The following PDE1C variants were observed in gnomAD, a reference collection of about 807,000 sequenced individuals.
PDE1C encodes dual specificity calcium/calmodulin-dependent 3',5'-cyclic nucleotide phosphodiesterase 1C.
A neutral mutation model predicts 93.1 loss-of-function variants in PDE1C; 62 were observed. The ratio of observed to expected loss-of-function variants is 0.67; its 90% CI spans 0.54 to 0.82. The LOEUF (loss-of-function observed/expected upper bound fraction) is 0.82. PDE1C is among the 40% of genes least tolerant of loss of function. The probability of loss-of-function intolerance (pLI) is 0.00; values close to 1 mark genes in which losing one functional copy is unlikely to be tolerated. For missense variants in PDE1C, 742 were observed against 884.6 expected (o/e 0.84, Z 2.04); for synonymous variants, 325 against 310.1 (o/e 1.05, Z -0.50).
At chr7:31,962,395 C>T (rs1270264305) in intron 2 of PDE1C, among the ~76,000 whole-genome samples, 4 of 152,152 alleles carry the variant, frequency 2.6e-5, no homozygotes, top group African/African-American at 9.7e-5. Flanking sequence ...TATGTCAGAC[C>T]ATCAGGACAG....
intron 2 of PDE1C, among the ~76,000 whole-genome samples, chr7:31,948,085 C>T (rs1410789647): frequency 6.6e-6 from 1 of 152,178 alleles, no homozygotes; most frequent in Non-Finnish European, 1.5e-5. Context: ...TTGTACAGCA[C>T]CTACAACACT....
intron 1 of PDE1C, among the ~76,000 whole-genome samples, chr7:32,371,422 G>C (rs1378541282): frequency 6.6e-6 from 1 of 152,118 alleles, no homozygotes; most frequent in Non-Finnish European, 1.5e-5. Context: ...TCTGCCCCTG[G>C]TTTATATATC....
intron 1 of PDE1C, among the ~76,000 whole-genome samples, chr7:32,379,415 T>C (rs1784491695): frequency 6.6e-6 from 1 of 152,178 alleles, no homozygotes; most frequent in Non-Finnish European, 1.5e-5. Context: ...TGCCTTGGGA[T>C]AAAAAAGCAA....
intron 2 of PDE1C, among the ~76,000 whole-genome samples, chr7:32,018,901 C>G (rs1584474886): frequency 6.6e-6 from 1 of 152,078 alleles, no homozygotes; most frequent in East Asian, 1.9e-4. Flanking sequence ...TAAGAATGCC[C>G]TTTGAAGAGC....
chr7:32,063,757 T>TCAAACA (rs1381074862), intron 1 of PDE1C, among the ~76,000 whole-genome samples: 1 of 152,210 alleles, frequency 6.6e-6, no homozygotes. Context: ...AAACAATCCT[T>TCAAACA]CAAACACAAA....
intron 2 of PDE1C, among the ~76,000 whole-genome samples, chr7:31,997,018 A>G (rs549386751): frequency 6.6e-6 from 1 of 152,336 alleles, no homozygotes; most frequent in African/African-American, 2.4e-5. Flanking sequence ...ACAGAAAGAT[A>G]GGTCTCTCTG....
chr7:31,786,471 T>C (rs1783952342), intron 16 of PDE1C: 1 of 152,174 alleles, frequency 6.6e-6, no homozygotes, highest in South Asian at 2.1e-4. Flanking sequence ...CCTTTAGCAG[T>C]GTGCTTGGCA....
At chr7:31,627,480 A>G in the PDE1C span, among the ~76,000 whole-genome samples, 1 of 152,212 alleles carries the variant, frequency 6.6e-6, no homozygotes, top group African/African-American at 2.4e-5. Flanking sequence ...CAACATGGCA[A>G]TACCCCATCT....
intron 3 of PDE1C, among the ~76,000 whole-genome samples, chr7:32,112,799 CATATAT>C (rs1183445666): frequency 3.3e-5 from 3 of 90,838 alleles, no homozygotes; most frequent in Non-Finnish European, 7.8e-5. Flanking sequence ...CATATATATA[CATATAT>C]GTGTGTGTGT....
chr7:32,165,610 C>G (rs147548867), intron 3 of PDE1C, among the ~76,000 whole-genome samples: 2 of 152,220 alleles, frequency 1.3e-5, no homozygotes, highest in African/African-American at 4.8e-5. Flanking sequence ...ACCATCAGAT[C>G]TTGTGAGAAC....
chr7:31,750,621 G>A (rs1182998590), downstream of PDE1C, among the ~76,000 whole-genome samples: 1 of 152,240 alleles, frequency 6.6e-6, no homozygotes, highest in African/African-American at 2.4e-5. Flanking sequence ...CTAAAGTTTA[G>A]AGATATTATG....
In PDE1C at chr7:31,792,777, C is replaced by G. The variant is rs376161076; in HGVS notation, c.1891+16254G>C. On this transcript the variant is annotated intron_variant, in intron 16 of 17. Transcript: ENST00000396191. ...ACTACAAAGTATATGAAAATGAGGA[C>G]CCTGAAGACAAAGTGTTAATAGGCC... is the stretch of plus-strand genomic sequence containing the variant. Among the ~76,000 whole-genome samples the G allele has an allele frequency of 3.3e-5, 5 of 152,124 alleles. 1 individual carries two copies. The highest frequency in any genetic ancestry group is 6.6e-5 in the Admixed American group (1 of 15,266).
chr7:32,348,919 T>C (rs374915491), intron 1 of PDE1C, among the ~76,000 whole-genome samples: 1 of 152,196 alleles, frequency 6.6e-6, no homozygotes, highest in African/African-American at 2.4e-5. Context: ...GGTTACTGCT[T>C]AAACTTATAA....
chr7:31,898,021 TGTGTG>T (rs1370388419), intron 2 of PDE1C, among the ~76,000 whole-genome samples: 1 of 18,844 alleles, frequency 5.3e-5, no homozygotes, highest in African/African-American at 1.2e-4. Flanking sequence ...TTGGTTTCTT[TGTGTG>T]TGTGTGTGTG....
chr7:31,824,677 G>T (rs191136695), intron 13 of PDE1C, among the ~76,000 whole-genome samples, 190 bp downstream of exon 13: 1 of 152,232 alleles, frequency 6.6e-6, no homozygotes, highest in East Asian at 1.9e-4. Flanking sequence ...ACCCTTTACA[G>T]TTTAGCCTGG....
intron 1 of PDE1C, among the ~76,000 whole-genome samples, chr7:32,343,317 T>C (rs150700906): frequency 8.3e-4 from 127 of 152,318 alleles, no homozygotes; most frequent in African/African-American, 3.0e-3. Flanking sequence ...AAATGATTGA[T>C]AGTATTTATT....
chr7:31,661,460 C>T, the PDE1C span, among the ~76,000 whole-genome samples: 1 of 152,144 alleles, frequency 6.6e-6, no homozygotes, highest in Admixed American at 6.5e-5. Flanking sequence ...CACCTGTAAT[C>T]CCAGCACTTT....
chr7:32,127,478 C>A (rs1248627782), intron 3 of PDE1C, among the ~76,000 whole-genome samples: 1 of 151,822 alleles, frequency 6.6e-6, no homozygotes, highest in Non-Finnish European at 1.5e-5. Flanking sequence ...AGAGTTACAA[C>A]CAAAGACATA....
intron 1 of PDE1C, among the ~76,000 whole-genome samples, chr7:32,316,575 G>C (rs1014925304): frequency 1.3e-5 from 2 of 152,158 alleles, no homozygotes; most frequent in Non-Finnish European, 2.9e-5. Context: ...TCTAAATAAT[G>C]ATCATGAATT....
Sources: allele counts gnomAD v4.1 joint callset (sites outside exome capture counted in the v4.1 genomes callset), GRCh38; gene constraint gnomAD v4.1.1; transcripts MANE v1.5; gene names NCBI Gene and HGNC (gene_info 2026-07-23, HGNC 2026-07-21).